NOTCH1: variants seen among roughly 807,000 people sequenced by gnomAD.
NOTCH1 encodes notch receptor 1, also known as neurogenic locus notch homolog protein 1.
NOTCH1 carries 37 observed loss-of-function variants against 254.8 expected under a neutral mutation model. The ratio of observed to expected loss-of-function variants is 0.15; its 90% CI spans 0.11 to 0.19. The LOEUF is 0.19. Among genes scored for constraint, NOTCH1 ranks in the 10% least tolerant of loss-of-function variants. The pLI is 1.00. For synonymous variants in NOTCH1, 1,731 were observed against 1,618.1 expected (o/e 1.07, Z -1.68); for missense variants, 2,972 against 3,708.6 (o/e 0.80, Z 5.16).
At chr9:136,532,481 G>A (rs1843576969) in intron 2 of NOTCH1, among the ~76,000 whole-genome samples, 1 of 147,246 alleles carries the variant, frequency 6.8e-6, no homozygotes, top group South Asian at 2.2e-4. Flanking sequence ...TGGCCTCTGG[G>A]AGAGACCTTC....
At chr9:136,510,073 T>C in intron 17 of NOTCH1, 112 bp from the exon 18 acceptor site, 2 of 1,013,782 alleles carry the variant, frequency 2.0e-6, no homozygotes, top group South Asian at 2.6e-5. Flanking sequence ...TTGCCGAGGC[T>C]GCGGCAAGCA....
rs1215496202 is a variant in NOTCH1, at chr9:136,497,485, G to A, written c.6254C>T (p.Ala2085Val). ...CATATGATCCGTGATGTCCCGGTTG[G>A]CAAAGTGGTCCAGCAGCACCTTGGC... ...ETAKVLLDHFANRDITDHMDR... is the reference protein window; with the variant it reads ...ETAKVLLDHFVNRDITDHMDR... Residue 2085 changes from alanine to valine, a missense_variant, in exon 34 of 34, where the codon GCC becomes GTC. Physicochemically the swap from Ala to Val is moderately conservative, Grantham distance 64. Transcript: ENST00000651671. 6.2e-7 allele frequency: 1 copy of A among 1,612,218 alleles called. No homozygotes were observed. Among genetic ancestry groups the A allele is most frequent in the South Asian group, 1.1e-5 (1 of 91,082 alleles).
At position 136,514,233 on chromosome 9, in the gene NOTCH1, G is replaced by A. The variant is rs559696224; in HGVS notation, c.2207+277C>T. Among the ~76,000 whole-genome samples the A allele has an allele frequency of 6.6e-5, 10 of 152,346 alleles. No homozygotes were observed. In the South Asian group the frequency reaches 2.1e-3, roughly 32 times the overall value. The stretch of plus-strand genomic sequence containing the variant: ...ATGGGCATCAGAAACACTTGCGGCT[G>A]TTACCATGGAAACGTGTTCCAGGGT... On this transcript the variant is annotated intron_variant, in intron 13 of 33. Transcript: ENST00000651671.
intron 2 of NOTCH1, among the ~76,000 whole-genome samples, chr9:136,526,741 G>A (rs1339026630): frequency 3.3e-5 from 5 of 152,204 alleles, no homozygotes; most frequent in Non-Finnish European, 7.4e-5. Flanking sequence ...CCAACCGGAC[G>A]CATCCCAGTT....
Position 136,523,726 on chromosome 9 carries a change from C to T in NOTCH1, c.394G>A (p.Gly132Ser), listed in dbSNP as rs761748180. The T allele has an allele frequency of 1.9e-6, 3 of 1,606,484 alleles. No individual in the cohort carries two copies. The highest frequency in any genetic ancestry group is 2.2e-5 in the East Asian group (1 of 44,666). The change falls in exon 3 of 34, where the codon GGC (glycine) becomes AGC (serine). Residue 132 changes from glycine to serine, a missense_variant. Physicochemically the swap from Gly to Ser is moderately conservative, Grantham distance 56. This residue lies in a region of NOTCH1 where 374 missense variants were observed against 496.3 expected (regional missense o/e 0.75). Transcript: ENST00000651671. ...LTEYKCRCPP[G>S]WSGKSCQQAD... Reference sequence around the variant, plus strand: ...GTGGGTCCTCCCTCACCTGACCAGCCGGGCGGGCAGCGGCACTTGTACTCC... The same window carrying T: ...GTGGGTCCTCCCTCACCTGACCAGCTGGGCGGGCAGCGGCACTTGTACTCC...
intron 13 of NOTCH1, among the ~76,000 whole-genome samples, 169 bp downstream of exon 13, chr9:136,514,337 TCTGA>T (rs747584869): frequency 2.6e-5 from 4 of 152,180 alleles, no homozygotes; most frequent in Non-Finnish European, 5.9e-5. Context: ...TGGACTGTAG[TCTGA>T]CTGAGGACCC....
intron 2 of NOTCH1, among the ~76,000 whole-genome samples, chr9:136,530,212 A>C (rs968377101): frequency 5.9e-5 from 9 of 152,240 alleles, no homozygotes; most frequent in Non-Finnish European, 1.0e-4. Flanking sequence ...TTCCGGCCCA[A>C]ACAGCTGTTG....
At chr9:136,525,975 A>T (rs1405618152) in intron 2 of NOTCH1, among the ~76,000 whole-genome samples, 1 of 152,212 alleles carries the variant, frequency 6.6e-6, no homozygotes, top group Admixed American at 6.5e-5. Flanking sequence ...AACACATGTC[A>T]CCCCTTCCAA....
At chr9:136,510,014 C>T (rs868575340) in intron 17 of NOTCH1, 53 bp from the exon 18 acceptor site, 22 of 1,533,282 alleles carry the variant, frequency 1.4e-5, no homozygotes, top group African/African-American at 4.1e-5. Flanking sequence ...CCCACACCTG[C>T]GGGAGGGGGC....
At chr9:136,520,365 T>C (rs959182893) in intron 4 of NOTCH1, among the ~76,000 whole-genome samples, 1 of 152,106 alleles carries the variant, frequency 6.6e-6, no homozygotes, top group African/African-American at 2.4e-5. Context: ...TCTGTCTGTC[T>C]GCTGGACCGG....
chr9:136,521,315 A>C (rs555080495), intron 4 of NOTCH1, among the ~76,000 whole-genome samples: 1 of 151,472 alleles, frequency 6.6e-6, no homozygotes, highest in South Asian at 2.1e-4. Context: ...ATCTACCCAC[A>C]CTCAAGTGAG....
Position 136,543,797 on chromosome 9 carries a change from G to A in NOTCH1, c.140+227C>T, listed in dbSNP as rs183204533. 1,175 of 624,510 alleles carry A rather than the reference G, an allele frequency of 1.9e-3. 11 individuals carry two copies. Among genetic ancestry groups the A allele is most frequent in the Middle Eastern group, 0.014 (34 of 2,364 alleles). The allele number at this position is 624,510 out of a possible 1,614,324, so 38.7% of individuals were successfully genotyped here. ...GACCCCGGAGCCTGAGGTGGCCCAC[G>A]GAGGAGTGCCCAAGCCCTCAGCAGC... On this transcript the variant is annotated intron_variant, in intron 2 of 33. Transcript: ENST00000651671.
intron 2 of NOTCH1, 144 bp from the exon 3 acceptor site, chr9:136,524,123 T>C (rs1438710009): frequency 3.8e-5 from 40 of 1,065,172 alleles, no homozygotes; most frequent in Non-Finnish European, 5.1e-5. Context: ...GGGGTTCCCT[T>C]AGGGCTGATA....
rs1244781527 is a variant in NOTCH1, at chr9:136,502,313, C to T, written c.5343G>A (p.Lys1781=). The T allele has an allele frequency of 1.9e-6, 3 of 1,612,402 alleles. No individual in the cohort carries two copies. The East Asian group carries it at 6.7e-5, about 36-fold the overall frequency. Residue 1781 remains lysine, a synonymous_variant, in exon 28 of 34, where the codon AAG becomes AAA. Transcript: ENST00000651671. ...CCTCGCCGAGGGGCTCCCGCCGCTT[C>T]TTCTTGCTGGCCTCAGACACTTTGA... ...EGFKVSEASK[K]KRREPLGEDS... is the part of the protein sequence containing the mutation.
Position 136,506,440 on chromosome 9 carries a change from G to T in NOTCH1, c.4014+87C>A. The T allele has an allele frequency of 8.6e-7, 1 of 1,158,882 alleles. No homozygotes were observed. The highest frequency in any genetic ancestry group is 1.2e-6 in the Non-Finnish European group (1 of 804,458). 71.8% of individuals were successfully genotyped at this position (1,158,882 alleles called of 1,614,324 possible). On this transcript the variant is annotated intron_variant, in intron 24 of 33. Coordinates refer to ENST00000651671, the MANE Select transcript of NOTCH1 (RefSeq NM_017617.5). The surrounding 1 kb of genome is among the most constrained non-coding windows in gnomAD (Gnocchi z 4.5). ...GAGGATGAAGGCCGGGAGGATCACT[G>T]CCCGGTCTGCGCCCCGAGGCCCCCA...
chr9:136,502,533 C>A (rs773009234), intron 27 of NOTCH1, 45 bp from the exon 28 acceptor site: 3 of 1,344,794 alleles, frequency 2.2e-6, no homozygotes, highest in Non-Finnish European at 2.0e-6. Context: ...CATCAGGCAG[C>A]GGCTACGCAG....
chr9:136,541,260 C>T (rs1432895512), intron 2 of NOTCH1, among the ~76,000 whole-genome samples: 1 of 152,184 alleles, frequency 6.6e-6, no homozygotes, highest in Non-Finnish European at 1.5e-5. Flanking sequence ...TTTGCACCAA[C>T]AAAACCACTT....
chr9:136,536,322 A>G (rs1843656728), intron 2 of NOTCH1, among the ~76,000 whole-genome samples: 1 of 152,268 alleles, frequency 6.6e-6, no homozygotes, highest in African/African-American at 2.4e-5. Context: ...TGGAGAGGAC[A>G]CCATCTGTGT....
At chr9:136,514,845 A>C (rs1843237565) in intron 12 of NOTCH1, 143 bp from the exon 13 acceptor site, 3 of 950,444 alleles carry the variant, frequency 3.2e-6, no homozygotes, top group Middle Eastern at 3.0e-4. Context: ...CTTGGATCAC[A>C]ATGTGCCATG....
Sources: allele counts gnomAD v4.1 joint callset (sites outside exome capture counted in the v4.1 genomes callset), GRCh38; gene constraint gnomAD v4.1.1; regional missense constraint gnomAD v4.1.1; non-coding constraint Gnocchi (gnomAD v3.1); transcripts MANE v1.5; gene names NCBI Gene and HGNC (gene_info 2026-07-23, HGNC 2026-07-21).